Variants in LIG3 observed in about 807,000 individuals in gnomAD.
LIG3 encodes DNA ligase 3.
Under a neutral mutation model 110.9 loss-of-function variants are expected in LIG3, and 58 were observed. The ratio of observed to expected loss-of-function variants is 0.52; its 90% CI spans 0.42 to 0.65. The LOEUF is 0.65. LIG3 is among the 30% of genes least tolerant of loss of function. The probability of loss-of-function intolerance (pLI) is 0.00; values close to 1 mark genes in which losing one functional copy is unlikely to be tolerated. For synonymous variants in LIG3, 422 were observed against 472.8 expected, an observed-to-expected ratio of 0.89 and a Z score of 1.39; for missense variants, 1,094 against 1,273.8, an observed-to-expected ratio of 0.86 and a Z score of 2.15.
intron 11 of LIG3, 87 bp from the exon 12 acceptor site, chr17:34,997,650 GT>G: frequency 3.1e-6 from 3 of 962,240 alleles, no homozygotes; most frequent in Middle Eastern, 2.2e-4. Context: ...TGAAGTAGCA[GT>G]TTTATCATTG....
intron 4 of LIG3, 111 bp from the exon 5 acceptor site, chr17:34,990,852 C>G: frequency 1.0e-6 from 1 of 977,810 alleles, no homozygotes; most frequent in Non-Finnish European, 1.5e-6. Context: ...CTGCTTCGGC[C>G]TCCCAAAGTG....
chr17:34,989,505 C>G lies in LIG3; in HGVS notation c.731C>G (p.Thr244Ser), dbSNP rs756198646. ...NNSGEAPSSPTPKRSLSSSKC... is the reference protein window; with the variant it reads ...NNSGEAPSSPSPKRSLSSSKC... ...TCTGGGGAAGCCCCCTCGAGCCCCA[C>G]CCCTAAGAGAAGTCTGTCTTCAAGC... The change falls in exon 4 of 20, where the codon ACC (threonine) becomes AGC (serine). Residue 244 changes from threonine to serine, a missense_variant. Transcript: ENST00000378526. 11 of 1,613,940 alleles carry G rather than the reference C, an allele frequency of 6.8e-6. No individual in the cohort carries two copies. Among genetic ancestry groups the G allele is most frequent in the Non-Finnish European group, 7.6e-6 (9 of 1,180,034 alleles).
intron 14 of LIG3, 28 bp downstream of exon 14, chr17:34,998,755 G>T: frequency 6.2e-7 from 1 of 1,608,602 alleles, no homozygotes; most frequent in South Asian, 1.1e-5. Flanking sequence ...CCCCTGGGGT[G>T]GTACTGTTTT....
chr17:34,985,869 C>CT (rs1209402307), intron 2 of LIG3, 119 bp from the exon 3 acceptor site: 2 of 983,428 alleles, frequency 2.0e-6, no homozygotes, highest in East Asian at 4.9e-5. Flanking sequence ...CAGCCTTGGG[C>CT]TAGTGCTAGG....
At chr17:34,994,454 C>G in intron 9 of LIG3, 23 bp downstream of exon 9, 1 of 1,607,902 alleles carries the variant, frequency 6.2e-7, no homozygotes, top group Non-Finnish European at 8.5e-7. Flanking sequence ...TCCTTTCTGC[C>G]AGGACCGTCT....
At position 34,980,538 on chromosome 17, in the gene LIG3, A is replaced by C; in HGVS notation, c.-89A>C. ...CTCTAGGACCCGGATTTAAAGAGAC[A>C]GGCGCTCCAACCGTCGTGGGCTGCC... On this transcript the variant is annotated 5_prime_UTR_variant, in exon 1 of 20. Transcript: ENST00000378526. The C allele has an allele frequency of 7.8e-7, 1 of 1,285,648 alleles. No homozygotes were observed. Among genetic ancestry groups the C allele is most frequent in the Non-Finnish European group, 1.0e-6 (1 of 986,474 alleles). The allele number at this position is 1,285,648 out of a possible 1,614,324, so 79.6% of individuals were successfully genotyped here.
At position 35,001,319 on chromosome 17, in the gene LIG3, C is replaced by T. The variant is rs2090839208; in HGVS notation, c.2394C>T (p.Asp798=). 8 of 1,614,138 alleles carry T rather than the reference C, an allele frequency of 5.0e-6. No individual in the cohort carries two copies. Among genetic ancestry groups the T allele is most frequent in the South Asian group, 1.1e-5 (1 of 91,086 alleles). ...EFSKSEAHTA[D]GISIRFPRCT... The stretch of plus-strand genomic sequence containing the variant: ...CCAAATCGGAGGCTCATACAGCTGA[C>T]GGGATCTCCATCCGATTCCCTCGCT... Residue 798 remains aspartate (D), a synonymous_variant, in exon 17 of 20, where the codon GAC becomes GAT. Transcript: ENST00000378526.
At chr17:34,996,837 C>T (rs563860987) in intron 11 of LIG3, among the ~76,000 whole-genome samples, 184 bp downstream of exon 11, 1 of 152,336 alleles carries the variant, frequency 6.6e-6, no homozygotes, top group South Asian at 2.1e-4. Context: ...ACAATTGCTA[C>T]ATGATCAGTT....
intron 9 of LIG3, among the ~76,000 whole-genome samples, chr17:34,994,743 C>G (rs1002769390): frequency 1.4e-4 from 22 of 152,152 alleles, no homozygotes; most frequent in Admixed American, 2.6e-4. Context: ...TTTTGTGTTT[C>G]CATGTCCCAG....
At chr17:34,986,227 C>T in intron 3 of LIG3, 96 bp downstream of exon 3, 1 of 1,207,936 alleles carries the variant, frequency 8.3e-7, no homozygotes, top group Non-Finnish European at 1.2e-6. Context: ...TCTGTGCTAT[C>T]TCATCTCATT....
rs776516084 is a variant in LIG3, at chr17:34,992,642, C to T, written c.1405C>T (p.Arg469Ter). 6.2e-6 allele frequency: 10 copies of T among 1,613,196 alleles called. No homozygotes were observed. The highest frequency in any genetic ancestry group is 2.2e-5 in the East Asian group (1 of 44,888). ...GGTGGAGAAGGAGCCGGGCCAGAGA[C>T]GAGCTCTGAGCGTCCAGGCCTCGCT... ...QEVEKEPGQRRALSVQASLMT... is the reference protein window; with the variant it reads ...QEVEKEPGQR The change falls in exon 8 of 20, where the codon CGA becomes TGA. Residue 469 changes from arginine (R) to a stop codon, truncating the protein, a stop_gained. Coordinates refer to ENST00000378526, the MANE Select transcript of LIG3 (RefSeq NM_013975.4). LOFTEE classifies it high-confidence loss of function.
At chr17:34,985,332 T>C (rs2090644317) in intron 2 of LIG3, among the ~76,000 whole-genome samples, 1 of 152,192 alleles carries the variant, frequency 6.6e-6, no homozygotes, top group East Asian at 1.9e-4. Flanking sequence ...ACAATGGCTC[T>C]AAAAATGGGT....
In LIG3 at chr17:35,004,450, TC is replaced by T; in HGVS notation, c.2978del (p.Pro993GlnfsTer14). The part of the protein sequence containing the change: ...RDKNPAAQQV[S>X]PEWIWACIRK... ...CAAGAACCCTGCGGCCCAGCAGGTC[TC>T]CCCAGAGTGGATTTGGGCATGTATC... On this transcript the variant is annotated frameshift_variant, in exon 20 of 20. Transcript: ENST00000378526. LOFTEE classifies it high-confidence loss of function. 6.2e-7 allele frequency: 1 copy of T among 1,614,140 alleles called. No homozygotes were observed. Among genetic ancestry groups the T allele is most frequent in the Non-Finnish European group, 8.5e-7 (1 of 1,180,010 alleles).
In LIG3 at chr17:34,983,450, C is replaced by T. The variant is rs146850795; in HGVS notation, c.445C>T (p.Arg149Trp). 2.0e-5 allele frequency: 32 copies of T among 1,613,920 alleles called. No homozygotes were observed. Among genetic ancestry groups the T allele is most frequent in the South Asian group, 3.3e-5 (3 of 91,076 alleles). Reference protein sequence around the residue: ...HIKCMFEKLERARATTKKIED... With the variant: ...HIKCMFEKLEWARATTKKIED... The stretch of plus-strand genomic sequence containing the variant: ...TAAATGCATGTTTGAGAAACTAGAG[C>T]GGGCCCGGGCCACCACAAAAAAAAT... Residue 149 changes from arginine (R) to tryptophan (W), a missense_variant, in exon 2 of 20, where the codon CGG becomes TGG. Coordinates refer to ENST00000378526, the MANE Select transcript of LIG3 (RefSeq NM_013975.4).
Position 34,992,565 on chromosome 17 carries a change from C to T in LIG3, c.1328C>T (p.Ala443Val). The T allele has an allele frequency of 1.2e-6, 2 of 1,612,466 alleles. No individual in the cohort carries two copies. The highest frequency in any genetic ancestry group is 2.2e-5 in the East Asian group (1 of 44,872). ...LDPNAYEAFK[A>V]SRNLQDVVER... is the part of the protein sequence containing the mutation. ...CCCAATGCCTATGAAGCCTTCAAAG[C>T]CTCGCGCAACCTGCAGGATGTGGTG... The change falls in exon 8 of 20, where the codon GCC becomes GTC. Residue 443 changes from alanine to valine, a missense_variant. Physicochemically the swap from Ala to Val is moderately conservative, Grantham distance 64 (BLOSUM62 0). Coordinates refer to ENST00000378526, the MANE Select transcript of LIG3 (RefSeq NM_013975.4).
At chr17:34,999,208 C>CT (rs1204961359) in intron 14 of LIG3, 99 bp from the exon 15 acceptor site, 1 of 1,390,168 alleles carries the variant, frequency 7.2e-7, no homozygotes, top group East Asian at 2.3e-5. Flanking sequence ...CTCTGGCACT[C>CT]TGACGGCCAG....
chr17:35,004,621 AC>A lies in LIG3; in HGVS notation c.*118del. 1 of 780,102 alleles carries A rather than the reference AC, an allele frequency of 1.3e-6. No homozygotes were observed. The allele number at this position is 780,102 out of a possible 1,614,324, so 48.3% of individuals were successfully genotyped here. ...GGGGGAATGGGCTTGCTTCTCCCAAACCCACCAGTTCTCCACTGTCTCTTCT... is the reference window on the plus strand; with the variant it reads ...GGGGGAATGGGCTTGCTTCTCCCAAACCACCAGTTCTCCACTGTCTCTTCT... On this transcript the variant is annotated 3_prime_UTR_variant, in exon 20 of 20. Transcript: ENST00000378526.
chr17:35,010,793 G>A (rs2090933067), downstream of LIG3: 1 of 150,528 alleles, frequency 6.6e-6, no homozygotes, highest in Admixed American at 6.6e-5. Context: ...CCAAAAATCA[G>A]TGGGCTAGGA....
At chr17:34,981,573 C>T (rs565325299) in intron 1 of LIG3, 2 of 152,278 alleles carry the variant, frequency 1.3e-5, no homozygotes, top group South Asian at 2.1e-4. Context: ...TATTATTTAC[C>T]CTGCTTTAGA....
Sources: allele counts gnomAD v4.1 joint callset (sites outside exome capture counted in the v4.1 genomes callset), GRCh38; gene constraint gnomAD v4.1.1; transcripts MANE v1.5; gene names NCBI Gene and HGNC (gene_info 2026-07-23, HGNC 2026-07-21).